The following TPTE2 variants were observed in gnomAD, a reference collection of about 807,000 sequenced individuals.
The protein encoded by TPTE2 is phosphatidylinositol 3,4,5-trisphosphate 3-phosphatase TPTE2.
Under a neutral mutation model 78.6 loss-of-function variants are expected in TPTE2, and 53 were observed. That is an observed-to-expected ratio of 0.67 (90% CI 0.54 to 0.85). The LOEUF (loss-of-function observed/expected upper bound fraction) is 0.85, where lower values mean the gene tolerates loss of function less well. Among genes scored for constraint, TPTE2 ranks in the 40% least tolerant of loss-of-function variants. The pLI is 0.00. For missense variants in TPTE2, 461 were observed against 623.0 expected, an observed-to-expected ratio of 0.74 and a Z score of 2.77; for synonymous variants, 175 against 206.2, an observed-to-expected ratio of 0.85 and a Z score of 1.30.
At chr13:19,467,104 A>C (rs1334404197) in intron 7 of TPTE2, 121 bp downstream of exon 10, 18 of 1,250,590 alleles carry the variant, frequency 1.4e-5, no homozygotes, top group Admixed American at 2.9e-5. Context: ...TTTCATTTTA[A>C]AGCAATGTAT....
chr13:19,533,010 C>A (rs1270840932), intron 1 of TPTE2, among the ~76,000 whole-genome samples: 1 of 152,172 alleles, frequency 6.6e-6, no homozygotes, highest in Non-Finnish European at 1.5e-5. Flanking sequence ...CTAGTAGAGG[C>A]ATAGCACATA....
At chr13:19,470,887 TTTTATTTATTTA>T (rs57724907) in intron 6 of TPTE2, among the ~76,000 whole-genome samples, 5,370 of 139,606 alleles carry the variant, frequency 0.038, 377 homozygotes, top group African/African-American at 0.13. Context: ...GATCTTTTTA[TTTTATTTATTTA>T]TTTATTTATT....
chr13:19,474,048 C>A (rs755860442), exon 6 of TPTE2: 1 of 1,598,910 alleles, frequency 6.3e-7, no homozygotes, highest in Non-Finnish European at 8.5e-7. Flanking sequence ...GAGTGACATC[C>A]AGTAAGACCA....
the TPTE2 span, among the ~76,000 whole-genome samples, chr13:19,550,551 G>T: frequency 1.3e-5 from 2 of 152,140 alleles, no homozygotes; most frequent in Non-Finnish European, 2.9e-5. Context: ...TAGAAACAGG[G>T]ATGATGATGG....
chr13:19,553,707 T>A, the TPTE2 span, among the ~76,000 whole-genome samples: 1 of 152,226 alleles, frequency 6.6e-6, no homozygotes, highest in Admixed American at 6.5e-5. Flanking sequence ...GAGTACATAC[T>A]GTGTGATTTC....
At chr13:19,438,071 T>A (rs879230114) in intron 14 of TPTE2, 21 bp downstream of exon 17, 1 of 1,602,078 alleles carries the variant, frequency 6.2e-7, no homozygotes, top group East Asian at 2.3e-5. Flanking sequence ...TAAGAGAAAG[T>A]TTGTAGAACA....
At chr13:19,484,045 C>A (rs188683004) in intron 3 of TPTE2, among the ~76,000 whole-genome samples, 1 of 150,532 alleles carries the variant, frequency 6.6e-6, no homozygotes, top group Non-Finnish European at 1.5e-5. Context: ...TTTGTCCTTG[C>A]GATAGGTTGC....
At chr13:19,497,081 G>A (rs895893377) in intron 1 of TPTE2, among the ~76,000 whole-genome samples, 7 of 152,136 alleles carry the variant, frequency 4.6e-5, no homozygotes, top group Non-Finnish European at 8.8e-5. Context: ...CGAATATTGC[G>A]CTTTTCTGAG....
intron 10 of TPTE2, among the ~76,000 whole-genome samples, chr13:19,462,599 G>A (rs567268636): frequency 9.3e-5 from 14 of 150,118 alleles, no homozygotes; most frequent in African/African-American, 3.4e-4. Context: ...CTGTAGTGCA[G>A]TGGTGTGATC....
chr13:19,503,930 T>G (rs113886342), upstream of TPTE2, among the ~76,000 whole-genome samples: 4 of 151,448 alleles, frequency 2.6e-5, no homozygotes, highest in African/African-American at 9.7e-5. Flanking sequence ...TTAGTAGAGA[T>G]GGGGTTTCAC....
intron 1 of TPTE2, among the ~76,000 whole-genome samples, chr13:19,508,747 C>A (rs1207799882): frequency 6.6e-6 from 1 of 152,034 alleles, no homozygotes; most frequent in Non-Finnish European, 1.5e-5. Flanking sequence ...ACTAAAACTG[C>A]AAAATGTGAA....
intron 13 of TPTE2, among the ~76,000 whole-genome samples, chr13:19,445,591 G>T (rs1404774128): frequency 6.6e-6 from 1 of 152,184 alleles, no homozygotes; most frequent in Non-Finnish European, 1.5e-5. Context: ...TTAGTCTGAG[G>T]TATACACTCA....
intron 3 of TPTE2, among the ~76,000 whole-genome samples, chr13:19,492,500 G>T (rs543329890): frequency 6.6e-6 from 1 of 152,154 alleles, no homozygotes; most frequent in East Asian, 1.9e-4. Context: ...GAAATTGAGG[G>T]TGACAAATAC....
chr13:19,465,620 T>C (rs1879224494), intron 7 of TPTE2, 56 bp from the exon 11 acceptor site: 1 of 1,409,398 alleles, frequency 7.1e-7, no homozygotes, highest in African/African-American at 1.4e-5. Flanking sequence ...TTTATCAATA[T>C]AAACTATGTC....
intron 6 of TPTE2, among the ~76,000 whole-genome samples, chr13:19,469,155 G>A (rs1424602929): frequency 6.6e-6 from 1 of 152,156 alleles, no homozygotes; most frequent in African/African-American, 2.4e-5. Context: ...GTTTCATTGA[G>A]GTCTTAGATT....
At chr13:19,523,075 G>T (rs1221830290) in intron 1 of TPTE2, among the ~76,000 whole-genome samples, 1 of 152,116 alleles carries the variant, frequency 6.6e-6, no homozygotes, top group Non-Finnish European at 1.5e-5. Flanking sequence ...AGATAGCCTT[G>T]TGCATGGGGT....
chr13:19,514,453 C>T (rs1869655901), intron 1 of TPTE2, among the ~76,000 whole-genome samples: 2 of 152,032 alleles, frequency 1.3e-5, no homozygotes, highest in Admixed American at 1.3e-4. Context: ...AAAGCCCATA[C>T]AAAAAATAAA....
chr13:19,485,652 G>C (rs1880622841), intron 3 of TPTE2, among the ~76,000 whole-genome samples: 1 of 151,782 alleles, frequency 6.6e-6, no homozygotes. Flanking sequence ...TTTCCTTCTG[G>C]AATGCCCATA....
At chr13:19,497,460 G>C (rs556848560) in intron 1 of TPTE2, among the ~76,000 whole-genome samples, 1 of 112,502 alleles carries the variant, frequency 8.9e-6, no homozygotes, top group Non-Finnish European at 2.0e-5. Flanking sequence ...TCTGAGAACG[G>C]GCAGACTGCC....
Sources: gnomAD v4.1 joint callset for allele counts (sites outside exome capture counted in the v4.1 genomes callset) on GRCh38, gnomAD v4.1.1 for gene constraint, MANE v1.5 for transcripts, NCBI Gene and HGNC (gene_info 2026-07-23, HGNC 2026-07-21) for gene names.